Variants in LRIG1 observed in about 807,000 individuals in gnomAD.
The protein encoded by LRIG1 is leucine-rich repeats and immunoglobulin-like domains protein 1.
Under a neutral mutation model 99.2 loss-of-function variants are expected in LRIG1, and 48 were observed. The ratio of observed to expected loss-of-function variants is 0.48; its 90% confidence interval spans 0.38 to 0.62. The LOEUF is 0.62. Among genes scored for constraint, LRIG1 ranks in the 20% least tolerant of loss-of-function variants. The probability of loss-of-function intolerance (pLI) is 0.00; values close to 1 mark genes in which losing one functional copy is unlikely to be tolerated. For synonymous variants in LRIG1, 772 were observed against 596.1 expected (o/e 1.29, Z -4.30); for missense variants, 1,646 against 1,434.4 (o/e 1.15, Z -2.38).
At chr3:66,450,301 A>C (rs1363807105) in intron 3 of LRIG1, among the ~76,000 whole-genome samples, 1 of 152,180 alleles carries the variant, frequency 6.6e-6, no homozygotes, top group Non-Finnish European at 1.5e-5. Context: ...CCACCAGCCA[A>C]TGACAGTAAC....
At chr3:66,469,082 G>T (rs1700540741) in intron 1 of LRIG1, 1 of 152,156 alleles carries the variant, frequency 6.6e-6, no homozygotes, top group Non-Finnish European at 1.5e-5. Flanking sequence ...TGACAAAATT[G>T]TATCTTGAAC....
rs145965378 is a variant in LRIG1 at position 66,437,553 on chromosome 3, G to C, written c.365+14006C>G. Among the ~76,000 whole-genome samples the C allele has an allele frequency of 1.6e-3, 249 of 152,156 alleles. 1 individual carries two copies. Among genetic ancestry groups the C allele is most frequent in the Middle Eastern group, 3.4e-3 (1 of 294 alleles). ...CTCAGCAGGCCACTTCTACTATAAC[G>C]TGCCCAAGCCTGTCTCTCCACCTTG... On this transcript the variant is annotated intron_variant, in intron 3 of 18. Transcript: ENST00000273261.
At chr3:66,487,091 C>A (rs555297499) in intron 1 of LRIG1, among the ~76,000 whole-genome samples, 3 of 152,276 alleles carry the variant, frequency 2.0e-5, no homozygotes, top group Admixed American at 2.0e-4. Context: ...TGAAGTGGTT[C>A]TCAAGCAGAA....
intron 4 of LRIG1, among the ~76,000 whole-genome samples, chr3:66,415,922 G>A (rs1559787857): frequency 6.6e-6 from 1 of 152,224 alleles, no homozygotes; most frequent in Non-Finnish European, 1.5e-5. Context: ...AGACCAGAGA[G>A]GATTTTCTGC....
chr3:66,407,485 C>G lies in LRIG1; in HGVS notation c.942G>C (p.Leu314=). 1 of 1,614,038 alleles carries G rather than the reference C, an allele frequency of 6.2e-7. No homozygotes were observed. Among genetic ancestry groups the G allele is most frequent in the Non-Finnish European group, 8.5e-7 (1 of 1,180,018 alleles). ...SFCQKLHELV[L]SFNNLTRLDE... ...CCAGCCGTGTCAGGTTGTTGAAGGA[C>G]AGGACCCTGAGGAAAGGGAGGGCAG... The change falls in exon 8 of 19, where the codon CTG becomes CTC. Residue 314 remains leucine (L), a synonymous_variant. Coordinates refer to ENST00000273261, the MANE Select transcript of LRIG1 (RefSeq NM_015541.3).
chr3:66,478,349 C>T (rs546581449), intron 1 of LRIG1, among the ~76,000 whole-genome samples: 2 of 152,298 alleles, frequency 1.3e-5, no homozygotes, highest in South Asian at 2.1e-4. Flanking sequence ...ATGGTTATCT[C>T]GACAGGTGTG....
chr3:66,463,912 T>C (rs1700412631), intron 1 of LRIG1, among the ~76,000 whole-genome samples: 1 of 152,228 alleles, frequency 6.6e-6, no homozygotes, highest in Admixed American at 6.5e-5. Flanking sequence ...TCTGTATTCA[T>C]GGGTACAGCC....
At chr3:66,433,529 A>G (rs1703247809) in intron 3 of LRIG1, among the ~76,000 whole-genome samples, 1 of 152,370 alleles carries the variant, frequency 6.6e-6, no homozygotes, top group African/African-American at 2.4e-5. Context: ...CTCTAAGACA[A>G]GATCCTCTCC....
chr3:66,382,879 A>G (rs1254499259), intron 15 of LRIG1, 103 bp downstream of exon 15: 13 of 1,063,076 alleles, frequency 1.2e-5, no homozygotes, highest in Non-Finnish European at 1.5e-5. Context: ...GGAGTTCTGA[A>G]CACAGTGCAA....
chr3:66,437,157 C>T (rs971491427), intron 3 of LRIG1, among the ~76,000 whole-genome samples: 1 of 152,238 alleles, frequency 6.6e-6, no homozygotes, highest in African/African-American at 2.4e-5. Context: ...GGGCTGGACG[C>T]CTGCAGGGAT....
At chr3:66,405,118 C>CA in intron 9 of LRIG1, 80 bp downstream of exon 9, 1 of 1,281,168 alleles carries the variant, frequency 7.8e-7, no homozygotes. Flanking sequence ...CAGAGAGGCG[C>CA]GGGGGGCGCC....
At chr3:66,483,070 G>T (rs985978373) in intron 1 of LRIG1, among the ~76,000 whole-genome samples, 1 of 151,826 alleles carries the variant, frequency 6.6e-6, no homozygotes, top group Non-Finnish European at 1.5e-5. Context: ...AGCACCCCCC[G>T]TAAGGCCACC....
intron 6 of LRIG1, among the ~76,000 whole-genome samples, chr3:66,411,116 G>A (rs1250515775): frequency 6.6e-6 from 1 of 152,176 alleles, no homozygotes; most frequent in Non-Finnish European, 1.5e-5. Flanking sequence ...CTCTAGGCCT[G>A]AGCTCTCAGG....
chr3:66,441,727 A>G (rs575547165), intron 3 of LRIG1, among the ~76,000 whole-genome samples: 9 of 152,328 alleles, frequency 5.9e-5, no homozygotes, highest in Middle Eastern at 3.4e-3. Context: ...CACCTAGTAC[A>G]GTTTGAAATG....
At chr3:66,386,370 G>A (rs1701375553) in intron 12 of LRIG1, 69 bp from the exon 13 acceptor site, 2 of 1,358,306 alleles carry the variant, frequency 1.5e-6, no homozygotes, top group Non-Finnish European at 1.0e-6. Flanking sequence ...TGCTGTTCAT[G>A]CTAACAGAAA....
chr3:66,390,459 T>C (rs1701574945), intron 12 of LRIG1, among the ~76,000 whole-genome samples: 1 of 152,152 alleles, frequency 6.6e-6, no homozygotes, highest in Admixed American at 6.5e-5. Context: ...TGAAAGAAAT[T>C]TTTAAGAAGC....
At position 66,500,518 on chromosome 3, in the gene LRIG1, G is replaced by C. The variant is rs1174157099; in HGVS notation, c.-111C>G. 5.9e-6 allele frequency: 3 copies of C among 511,520 alleles called. No individual in the cohort carries two copies. The highest frequency in any genetic ancestry group is 9.2e-6 in the Non-Finnish European group (3 of 326,686). The allele number at this position is 511,520 out of a possible 1,614,324, so 31.7% of individuals were successfully genotyped here. A position where few individuals can be genotyped will look rare whatever the true frequency, so the allele number is the denominator to read the frequency against. On this transcript the variant is annotated 5_prime_UTR_variant, in exon 1 of 19. Coordinates refer to ENST00000273261, the MANE Select transcript of LRIG1 (RefSeq NM_015541.3). ...CCGCTCGGCTCTAGACTCCGCACCG[G>C]GGCATGGCCCCCGCCCCAAGTTCTC...
At chr3:66,433,071 A>C (rs1055427164) in intron 3 of LRIG1, among the ~76,000 whole-genome samples, 5 of 152,174 alleles carry the variant, frequency 3.3e-5, no homozygotes, top group Non-Finnish European at 7.4e-5. Flanking sequence ...TCCCCATCCT[A>C]AACAGGTGGG....
At chr3:66,472,529 A>T (rs374866189) in intron 1 of LRIG1, among the ~76,000 whole-genome samples, 1 of 152,112 alleles carries the variant, frequency 6.6e-6, no homozygotes, top group Admixed American at 6.5e-5. Flanking sequence ...CTACACGCTC[A>T]CACCTAAGGG....
Sources: gnomAD v4.1 joint callset for allele counts (sites outside exome capture counted in the v4.1 genomes callset) on GRCh38, gnomAD v4.1.1 for gene constraint, MANE v1.5 for transcripts, NCBI Gene and HGNC (gene_info 2026-07-23, HGNC 2026-07-21) for gene names.